Variants in KIR3DL2 observed in about 807,000 individuals in gnomAD.
KIR3DL2 encodes killer cell immunoglobulin-like receptor 3DL2.
A neutral mutation model predicts 41.6 loss-of-function variants in KIR3DL2; 42 were observed. The ratio of observed to expected loss-of-function variants is 1.01; its 90% CI spans 0.79 to 1.31. The LOEUF (loss-of-function observed/expected upper bound fraction) is 1.31. Among genes scored for constraint, KIR3DL2 ranks in the 50% most tolerant of loss-of-function variants. KIR3DL2 has a pLI of 0.00. For synonymous variants in KIR3DL2, 230 were observed against 221.3 expected, an observed-to-expected ratio of 1.04 and a Z score of -0.35; for missense variants, 728 against 576.8, an observed-to-expected ratio of 1.26 and a Z score of -2.68.
At chr19:54,861,315 T>C (rs1368643866) in intron 6 of KIR3DL2, among the ~76,000 whole-genome samples, 2 of 151,892 alleles carry the variant, frequency 1.3e-5, no homozygotes, top group African/African-American at 4.8e-5. Flanking sequence ...GAGGGAGAGC[T>C]AGATGAGGGG....
intron 6 of KIR3DL2, among the ~76,000 whole-genome samples, chr19:54,861,409 GC>G (rs2145693933): frequency 6.6e-6 from 1 of 152,228 alleles, no homozygotes; most frequent in East Asian, 1.9e-4. Flanking sequence ...ACTTCAGGAG[GC>G]CAACGCGGGT....
chr19:54,851,757 G>A lies in KIR3DL2; in HGVS notation c.71-241G>A, dbSNP rs756686263. ...GTGTCTACTTTGTGTTGTTTTATGT[G>A]AGTAATTTTGCAGTATTAAAATCTA... On this transcript the variant is annotated intron_variant, in intron 2 of 8. Coordinates refer to ENST00000326321, the MANE Select transcript of KIR3DL2 (RefSeq NM_006737.4). 2.0e-3 allele frequency among the ~76,000 whole-genome samples: 298 copies of A among 151,896 alleles called. 2 individuals are homozygous for A. Among genetic ancestry groups the A allele is most frequent in the Non-Finnish European group, 3.1e-3 (212 of 68,004 alleles).
At chr19:54,863,012 C>G (rs1270440338) in intron 6 of KIR3DL2, among the ~76,000 whole-genome samples, 1 of 88,596 alleles carries the variant, frequency 1.1e-5, no homozygotes, top group African/African-American at 4.3e-5. Context: ...CCCCTCCCCC[C>G]ACCCCACAAC....
At chr19:54,854,936 C>G (rs1315772576) in intron 4 of KIR3DL2, among the ~76,000 whole-genome samples, 1 of 150,882 alleles carries the variant, frequency 6.6e-6, no homozygotes, top group Non-Finnish European at 1.5e-5. Flanking sequence ...TGGAGAGAGA[C>G]AGATGATAGA....
intron 1 of KIR3DL2, 35 bp from the exon 2 acceptor site, chr19:54,851,185 G>A: frequency 6.2e-7 from 1 of 1,609,690 alleles, no homozygotes; most frequent in Non-Finnish European, 8.5e-7. Context: ...TGGTTTGCCT[G>A]CAGTTGGATC....
At chr19:54,855,021 G>C (rs2064622458) in intron 4 of KIR3DL2, among the ~76,000 whole-genome samples, 1 of 143,928 alleles carries the variant, frequency 6.9e-6, no homozygotes, top group East Asian at 2.0e-4. Flanking sequence ...CATAGATGAT[G>C]ATTGATAGAT....
Position 54,866,908 on chromosome 19 carries a change from C to A in KIR3DL2, c.*177C>A. On this transcript the variant is annotated 3_prime_UTR_variant, in exon 9 of 9. Coordinates refer to ENST00000326321, the MANE Select transcript of KIR3DL2 (RefSeq NM_006737.4). The stretch of plus-strand genomic sequence containing the variant: ...GCCACTGCCTGCTGCAGAGAAAACA[C>A]ACTCCTTTGCTTAGCCCACAAGTAT... 1.4e-6 allele frequency: 1 copy of A among 718,960 alleles called. No individual in the cohort carries two copies. The highest frequency in any genetic ancestry group is 2.3e-6 in the Non-Finnish European group (1 of 435,752). The allele number at this position is 718,960 out of a possible 1,614,324, so 44.5% of individuals were successfully genotyped here.
chr19:54,866,291 C>T (rs1464525807), intron 7 of KIR3DL2, 79 bp from the exon 8 acceptor site: 13 of 1,466,992 alleles, frequency 8.9e-6, no homozygotes, highest in African/African-American at 1.4e-5. Flanking sequence ...CAGCCTCCCC[C>T]TGTGGGTTGG....
chr19:54,857,727 T>A (rs2145646323), intron 5 of KIR3DL2, among the ~76,000 whole-genome samples: 1 of 151,714 alleles, frequency 6.6e-6, no homozygotes, highest in Non-Finnish European at 1.5e-5. Flanking sequence ...AATTTTTGTA[T>A]GTTTAGTAGA....
chr19:54,865,971 A>T, intron 7 of KIR3DL2, 62 bp downstream of exon 7: 3 of 1,447,032 alleles, frequency 2.1e-6, no homozygotes, highest in Non-Finnish European at 1.9e-6. Flanking sequence ...GGATGGGAGC[A>T]CGCGGGTGTG....
Position 54,854,030 on chromosome 19 carries a change from G to C in KIR3DL2, c.639G>C (p.Leu213=), listed in dbSNP as rs1381415170. 1.9e-6 allele frequency: 3 copies of C among 1,612,916 alleles called. No homozygotes were observed. In the African/African-American group the frequency reaches 4.0e-5, roughly 22 times the overall value. The change falls in exon 4 of 9, where the codon CTG becomes CTC. Residue 213 remains leucine, a synonymous_variant. Transcript: ENST00000326321. ...PYQLSAPSDP[L]DIVITGLYEK... ...AGTTGTCAGCTCCCAGTGACCCCCTGGACATCGTGATCACAGGTGAGAGTG... is the reference window on the plus strand; with the variant it reads ...AGTTGTCAGCTCCCAGTGACCCCCTCGACATCGTGATCACAGGTGAGAGTG...
At position 54,853,925 on chromosome 19, in the gene KIR3DL2, C is replaced by T. The variant is rs1262723067; in HGVS notation, c.534C>T (p.Ala178=). 1 of 1,613,298 alleles carries T rather than the reference C, an allele frequency of 6.2e-7. No homozygotes were observed. Among genetic ancestry groups the T allele is most frequent in the Non-Finnish European group, 8.5e-7 (1 of 1,179,884 alleles). ...AGATCCATGATGGGGTCTCCAAGGCCAACTTCTCCATCGGTCCCTTGATGC... is the reference window on the plus strand; with the variant it reads ...AGATCCATGATGGGGTCTCCAAGGCTAACTTCTCCATCGGTCCCTTGATGC... ...VGQIHDGVSK[A]NFSIGPLMPV... is the part of the protein sequence containing the mutation. The change falls in exon 4 of 9, where the codon GCC becomes GCT. Residue 178 remains alanine, a synonymous_variant. Transcript: ENST00000326321.
In KIR3DL2 at chr19:54,852,296, T is replaced by A; in HGVS notation, c.355+14T>A. 1 of 1,601,404 alleles carries A rather than the reference T, an allele frequency of 6.2e-7. No homozygotes were observed. Among genetic ancestry groups the A allele is most frequent in the South Asian group, 1.1e-5 (1 of 90,914 alleles). ...TCATGGTCACAGGTCAGAGGCTTTC[T>A]GTCTGGGCTTCTCACTGTCCCACCT... On this transcript the variant is annotated intron_variant, in intron 3 of 8. Transcript: ENST00000326321.
rs985052307 is a variant in KIR3DL2, at chr19:54,850,808, A to C, written c.34+299A>C. On this transcript the variant is annotated intron_variant, in intron 1 of 8. Transcript: ENST00000326321. ...GGAGATCTGGGCCTGGAGTGGAGATATGGGCCTGGAGTGGAGATATGGGTC... is the reference window on the plus strand; with the variant it reads ...GGAGATCTGGGCCTGGAGTGGAGATCTGGGCCTGGAGTGGAGATATGGGTC... Among the ~76,000 whole-genome samples, 21 of 60,906 alleles carry C rather than the reference A, an allele frequency of 3.4e-4. No individual in the cohort carries two copies. In the East Asian group the frequency reaches 4.1e-3, roughly 12 times the overall value. 40.0% of individuals were successfully genotyped at this position (60,906 alleles called of 152,430 possible).
intron 5 of KIR3DL2, among the ~76,000 whole-genome samples, chr19:54,856,826 T>C (rs1412119297): frequency 6.6e-6 from 1 of 152,114 alleles, no homozygotes; most frequent in Admixed American, 6.5e-5. Flanking sequence ...GGAATCTTTG[T>C]AATGACCTCC....
rs2065536434 is a variant in KIR3DL2, at chr19:54,866,550, T to A, written c.1187T>A (p.Val396Glu). The A allele has an allele frequency of 1.9e-6, 3 of 1,613,760 alleles. No individual in the cohort carries two copies. The highest frequency in any genetic ancestry group is 2.5e-6 in the Non-Finnish European group (3 of 1,179,950). ...TCTGATGAACAAGACCCTCAGGAGG[T>A]GACGTACGCACAGTTGGATCACTGC... is the stretch of plus-strand genomic sequence containing the variant. ...QDSDEQDPQE[V>E]TYAQLDHCVF... Residue 396 changes from valine to glutamate, a missense_variant, in exon 9 of 9, where the codon GTG (valine) becomes GAG (glutamate). By Grantham distance (121) the Val-to-Glu change is moderately radical. Transcript: ENST00000326321.
chr19:54,853,754 C>A lies in KIR3DL2; in HGVS notation c.363C>A (p.His121Gln), dbSNP rs1165362062. The A allele has an allele frequency of 1.2e-6, 2 of 1,610,028 alleles. No homozygotes were observed. The highest frequency in any genetic ancestry group is 1.7e-6 in the Non-Finnish European group (2 of 1,177,784). The change falls in exon 4 of 9, where the codon CAC becomes CAA. Residue 121 changes from histidine (H) to glutamine (Q), a missense_variant. Coordinates refer to ENST00000326321, the MANE Select transcript of KIR3DL2 (RefSeq NM_006737.4). ...NPLVIMVTGNHRKPSLLAHPG... is the reference protein window; with the variant it reads ...NPLVIMVTGNQRKPSLLAHPG... ...CACAACTTCTCTTTCTAGGAAACCA[C>A]AGAAAACCTTCCCTCCTGGCCCACC...
intron 6 of KIR3DL2, among the ~76,000 whole-genome samples, chr19:54,865,427 C>G (rs4806456): frequency 1.3e-5 from 2 of 151,852 alleles, no homozygotes; most frequent in African/African-American, 4.8e-5. Flanking sequence ...AACAACCAGC[C>G]CTCCGGGAAC....
chr19:54,865,194 C>G (rs1428033983), intron 6 of KIR3DL2, among the ~76,000 whole-genome samples: 3 of 151,944 alleles, frequency 2.0e-5, no homozygotes, highest in Non-Finnish European at 4.4e-5. Flanking sequence ...AGCCTTGCAT[C>G]CCAGAGCCTG....
Sources: gnomAD v4.1 joint callset for allele counts (sites outside exome capture counted in the v4.1 genomes callset) on GRCh38, gnomAD v4.1.1 for gene constraint, MANE v1.5 for transcripts, NCBI Gene and HGNC (gene_info 2026-07-23, HGNC 2026-07-21) for gene names.